Variants in FBXW10B observed in about 807,000 individuals in gnomAD.
FBXW10B encodes the protein F-box and WD repeat domain containing 10B.
chr17:15,615,113 G>C, the FBXW10B span, among the ~76,000 whole-genome samples: 1 of 151,750 alleles, frequency 6.6e-6, no homozygotes, highest in Non-Finnish European at 1.5e-5. Flanking sequence ...ATATGGGTTT[G>C]GGGGCCATAT....
chr17:15,596,709 G>T, the FBXW10B span: 4 of 1,587,228 alleles, frequency 2.5e-6, no homozygotes, highest in African/African-American at 5.7e-5. Flanking sequence ...GGGAAAAAGG[G>T]GGAAAAGGAA....
the FBXW10B span, among the ~76,000 whole-genome samples, chr17:15,616,811 CAAAAA>C: frequency 1.5e-5 from 1 of 64,650 alleles, no homozygotes; most frequent in African/African-American, 6.5e-5. Context: ...GACTCTGTCT[CAAAAA>C]AAAAAAAAAA....
At chr17:15,609,756 G>T in the FBXW10B span, among the ~76,000 whole-genome samples, 7 of 151,474 alleles carry the variant, frequency 4.6e-5, no homozygotes, top group Non-Finnish European at 8.8e-5. Flanking sequence ...TTTCCCAGGA[G>T]ACTCTGTAAC....
At chr17:15,598,023 A>G in the FBXW10B span, among the ~76,000 whole-genome samples, 53 of 152,300 alleles carry the variant, frequency 3.5e-4, 2 homozygotes, top group East Asian at 9.8e-3. Context: ...GGTTAGCCCT[A>G]ACTATGTAAG....
chr17:15,616,798 T>G, the FBXW10B span, among the ~76,000 whole-genome samples: 4 of 116,942 alleles, frequency 3.4e-5, no homozygotes, highest in Admixed American at 1.2e-4. Flanking sequence ...GGCAACAGAG[T>G]GAGACTCTGT....
the FBXW10B span, chr17:15,615,642 T>C: frequency 6.2e-7 from 1 of 1,613,832 alleles, no homozygotes. Flanking sequence ...AAAGTTCACT[T>C]ACCAGGGTTA....
chr17:15,602,416 A>G, the FBXW10B span, among the ~76,000 whole-genome samples: 1 of 152,098 alleles, frequency 6.6e-6, no homozygotes, highest in Non-Finnish European at 1.5e-5. Flanking sequence ...TGGAAACTCT[A>G]CCTAACGCCA....
chr17:15,583,309 C>T, the FBXW10B span, among the ~76,000 whole-genome samples: 1 of 131,308 alleles, frequency 7.6e-6, no homozygotes, highest in Non-Finnish European at 1.6e-5. Flanking sequence ...GCCCATCTCC[C>T]ACCCATCCAT....
At chr17:15,598,853 C>T in the FBXW10B span, 5 of 1,085,036 alleles carry the variant, frequency 4.6e-6, no homozygotes, top group South Asian at 7.1e-5. Flanking sequence ...GTGTAAGTTT[C>T]CTTTCCTCAT....
At chr17:15,607,815 T>C in the FBXW10B span, 1 of 753,080 alleles carries the variant, frequency 1.3e-6, no homozygotes, top group Non-Finnish European at 2.1e-6. Context: ...GCTGCTGCTC[T>C]GCAGAGAAGG....
the FBXW10B span, among the ~76,000 whole-genome samples, chr17:15,569,655 G>A: frequency 1.3e-5 from 2 of 151,240 alleles, no homozygotes; most frequent in Admixed American, 6.6e-5. Flanking sequence ...GGCCGGTTTC[G>A]AACTCCTGGG....
At chr17:15,596,192 A>G in the FBXW10B span, among the ~76,000 whole-genome samples, 1 of 151,820 alleles carries the variant, frequency 6.6e-6, no homozygotes, top group Non-Finnish European at 1.5e-5. Flanking sequence ...GGCCCTACAG[A>G]GTGCAATACT....
chr17:15,618,238 G>T, the FBXW10B span, among the ~76,000 whole-genome samples: 28 of 152,212 alleles, frequency 1.8e-4, no homozygotes, highest in African/African-American at 6.5e-4. Flanking sequence ...TGAGGCAGGA[G>T]AATTGCTTGA....
At chr17:15,608,540 G>A in the FBXW10B span, among the ~76,000 whole-genome samples, 4 of 151,942 alleles carry the variant, frequency 2.6e-5, no homozygotes, top group South Asian at 4.2e-4. Flanking sequence ...TGCAACCTCC[G>A]CCTCCCGAGT....
chr17:15,585,268 T>C, the FBXW10B span, among the ~76,000 whole-genome samples: 2 of 152,150 alleles, frequency 1.3e-5, no homozygotes, highest in African/African-American at 4.8e-5. Flanking sequence ...GGAAAATAGA[T>C]GGTTCCAGGT....
At chr17:15,616,886 T>C in the FBXW10B span, among the ~76,000 whole-genome samples, 3 of 142,314 alleles carry the variant, frequency 2.1e-5, no homozygotes, top group South Asian at 6.7e-4. Flanking sequence ...CCAGTGTAAA[T>C]AGCCCATTCC....
chr17:15,591,006 G>A, the FBXW10B span, among the ~76,000 whole-genome samples: 18 of 152,178 alleles, frequency 1.2e-4, no homozygotes, highest in Admixed American at 1.0e-3. Context: ...ACAGGAGACT[G>A]GTATGGGCAG....
chr17:15,593,627 C>CAT, the FBXW10B span: 1 of 770,466 alleles, frequency 1.3e-6, no homozygotes, highest in East Asian at 3.1e-5. Context: ...TGTTTGCTGC[C>CAT]TTTTTTTTTT....
At chr17:15,566,525 A>T in the FBXW10B span, among the ~76,000 whole-genome samples, 1 of 150,908 alleles carries the variant, frequency 6.6e-6, no homozygotes, top group East Asian at 2.0e-4. Context: ...AGAAATGCTG[A>T]TACTAGAAAC....
Sources: allele counts gnomAD v4.1 joint callset (sites outside exome capture counted in the v4.1 genomes callset), GRCh38; gene constraint gnomAD v4.1.1; transcripts MANE v1.5; gene names NCBI Gene and HGNC (gene_info 2026-07-23, HGNC 2026-07-21).